Variants in MGAT3 observed in about 807,000 individuals in gnomAD.
The protein encoded by MGAT3 is GlcNAc-T III.
A neutral mutation model predicts 29.8 loss-of-function variants in MGAT3; 9 were observed. The observed-to-expected ratio is 0.30, with a 90% CI of 0.18 to 0.53. The LOEUF (loss-of-function observed/expected upper bound fraction) is 0.53. Among genes scored for constraint, MGAT3 ranks in the 20% least tolerant of loss-of-function variants. MGAT3 has a pLI of 0.96. For missense variants in MGAT3, 557 were observed against 769.5 expected (o/e 0.72, Z 3.27); for synonymous variants, 397 against 348.9 (o/e 1.14, Z -1.54).
intron 1 of MGAT3, among the ~76,000 whole-genome samples, chr22:39,460,067 C>T (rs1928455533): frequency 6.6e-6 from 1 of 152,244 alleles, no homozygotes; most frequent in Non-Finnish European, 1.5e-5. Flanking sequence ...TCTGCAAAGA[C>T]AGCCCCTCTT....
At chr22:39,474,223 G>A (rs1049758815) in intron 1 of MGAT3, among the ~76,000 whole-genome samples, 1 of 152,184 alleles carries the variant, frequency 6.6e-6, no homozygotes, top group African/African-American at 2.4e-5. Context: ...GGGCTTAGGA[G>A]GTTGGCAGGA....
chr22:39,476,005 G>GGACCAGT (rs1475895201), intron 1 of MGAT3: 3 of 152,272 alleles, frequency 2.0e-5, no homozygotes, highest in Non-Finnish European at 2.9e-5. Flanking sequence ...TGTCCTGAAT[G>GGACCAGT]GACCAGTGAC....
intron 1 of MGAT3, among the ~76,000 whole-genome samples, chr22:39,466,017 G>A (rs1928635744): frequency 6.6e-6 from 1 of 152,094 alleles, no homozygotes; most frequent in Admixed American, 6.6e-5. Flanking sequence ...TGTTGATGTT[G>A]GTTCCAGCAA....
chr22:39,484,731 G>T (rs949243384), intron 1 of MGAT3, among the ~76,000 whole-genome samples: 1 of 152,038 alleles, frequency 6.6e-6, no homozygotes, highest in Non-Finnish European at 1.5e-5. Context: ...GGCTGGCCAT[G>T]GTGGTTCATG....
chr22:39,457,772 C>G lies in MGAT3; in HGVS notation c.-2+215C>G, dbSNP rs924493785. ...AGCCGCTCGGCGCGGGCCCCCTCCC[C>G]CTACCCGCCGCTCCTCCGAGCTCCC... On this transcript the variant is annotated intron_variant, in intron 1 of 1. Coordinates refer to ENST00000341184, the MANE Select transcript of MGAT3 (RefSeq NM_002409.5). The surrounding 1 kb of genome is among the most constrained non-coding windows in gnomAD (Gnocchi z 6.8). Among the ~76,000 whole-genome samples, 1 of 150,844 alleles carries G rather than the reference C, an allele frequency of 6.6e-6. No individual in the cohort carries two copies. The highest frequency in any genetic ancestry group is 1.5e-5 in the Non-Finnish European group (1 of 67,392).
At position 39,488,781 on chromosome 22, in the gene MGAT3, C is replaced by A; in HGVS notation, c.1434C>A (p.Ser478Arg). ...AGGAGTACCCGCCTGCAGACCCCAGCGAGCACATGTATGCGCCCAAGTACC... is the reference window on the plus strand; with the variant it reads ...AGGAGTACCCGCCTGCAGACCCCAGAGAGCACATGTATGCGCCCAAGTACC... ...TQQEYPPADP[S>R]EHMYAPKYLL... The change falls in exon 2 of 2, where the codon AGC becomes AGA. Residue 478 changes from serine (S) to arginine (R), a missense_variant. Physicochemically the swap from Ser to Arg is moderately radical, Grantham distance 110. This residue lies in a region of MGAT3 where 102 missense variants were observed against 97.0 expected (regional missense o/e 1.05). Transcript: ENST00000341184. The A allele has an allele frequency of 5.0e-6, 8 of 1,611,592 alleles. No homozygotes were observed. The highest frequency in any genetic ancestry group is 6.8e-6 in the Non-Finnish European group (8 of 1,178,954).
chr22:39,473,395 G>A (rs556951614), intron 1 of MGAT3, among the ~76,000 whole-genome samples: 5 of 152,136 alleles, frequency 3.3e-5, no homozygotes, highest in Non-Finnish European at 7.4e-5. Flanking sequence ...TCAGGAACAC[G>A]ATAACTAACC....
rs368729519 is a variant in MGAT3 at position 39,487,534 on chromosome 22, G to C, written c.187G>C (p.Glu63Gln). The C allele has an allele frequency of 1.1e-5, 17 of 1,612,496 alleles. No homozygotes were observed. Among genetic ancestry groups the C allele is most frequent in the African/African-American group, 2.7e-5 (2 of 74,694 alleles). The part of the protein sequence containing the change: ...NAPVTPQASP[E>Q]PGGPDLLRTP... ...CCCGGTCACGCCCCAGGCCAGCCCCGAGCCAGGAGGCCCTGACCTGCTGCG... is the reference window on the plus strand; with the variant it reads ...CCCGGTCACGCCCCAGGCCAGCCCCCAGCCAGGAGGCCCTGACCTGCTGCG... Residue 63 changes from glutamate (E) to glutamine (Q), a missense_variant, in exon 2 of 2, where the codon GAG (glutamate) becomes CAG (glutamine). Glu to Gln is a conservative substitution (Grantham distance 29). Transcript: ENST00000341184. This position sits in a 1 kb window ranked among gnomAD's most constrained non-coding sequence, Gnocchi z 5.7.
intron 1 of MGAT3, among the ~76,000 whole-genome samples, chr22:39,464,835 C>T (rs1928594282): frequency 1.3e-5 from 2 of 152,040 alleles, no homozygotes; most frequent in Non-Finnish European, 2.9e-5. Flanking sequence ...ACTGTAAGCT[C>T]TGCCTCCCAG....
intron 1 of MGAT3, among the ~76,000 whole-genome samples, chr22:39,475,179 T>C (rs949841913): frequency 1.4e-5 from 2 of 148,142 alleles, no homozygotes; most frequent in African/African-American, 5.0e-5. Flanking sequence ...TCCAACAAAA[T>C]CTTGCGAGGA....
At chr22:39,484,634 A>G (rs1035810499) in intron 1 of MGAT3, among the ~76,000 whole-genome samples, 1 of 151,866 alleles carries the variant, frequency 6.6e-6, no homozygotes, top group Admixed American at 6.6e-5. Flanking sequence ...CAGCTTCCCA[A>G]AGTGCTGGGA....
chr22:39,459,568 A>G (rs1210477767), intron 1 of MGAT3, among the ~76,000 whole-genome samples: 1 of 152,092 alleles, frequency 6.6e-6, no homozygotes, highest in Admixed American at 6.5e-5. Flanking sequence ...GGCTCAAGGG[A>G]TCCTTCTGCC....
intron 1 of MGAT3, among the ~76,000 whole-genome samples, chr22:39,481,064 C>CA (rs1929111622): frequency 6.6e-6 from 1 of 152,206 alleles, no homozygotes. Flanking sequence ...CTGAATCCTC[C>CA]AGTGAAAGCC....
chr22:39,468,295 G>C (rs560388102), intron 1 of MGAT3, among the ~76,000 whole-genome samples: 1 of 152,316 alleles, frequency 6.6e-6, no homozygotes, highest in Non-Finnish European at 1.5e-5. Flanking sequence ...ACCTCCCCAG[G>C]TCCCCACGGT....
At chr22:39,464,685 C>T (rs1473618904) in intron 1 of MGAT3, among the ~76,000 whole-genome samples, 1 of 151,762 alleles carries the variant, frequency 6.6e-6, no homozygotes, top group Non-Finnish European at 1.5e-5. Flanking sequence ...AAGTGATCCA[C>T]CTGCCTCCGC....
chr22:39,471,982 G>T (rs1025974541), intron 1 of MGAT3, among the ~76,000 whole-genome samples: 5 of 152,168 alleles, frequency 3.3e-5, no homozygotes, highest in African/African-American at 4.8e-5. Flanking sequence ...AGAGGGCGAG[G>T]TATTGGAGGG....
At chr22:39,479,084 G>A (rs931597839) in intron 1 of MGAT3, among the ~76,000 whole-genome samples, 46 of 152,316 alleles carry the variant, frequency 3.0e-4, no homozygotes, top group Middle Eastern at 3.4e-3. Context: ...GGTGGCCCAC[G>A]CTTGCAATCC....
At chr22:39,464,452 T>G (rs533381267) in intron 1 of MGAT3, among the ~76,000 whole-genome samples, 2 of 152,198 alleles carry the variant, frequency 1.3e-5, no homozygotes, top group South Asian at 4.1e-4. Context: ...TGTCTTTTTT[T>G]TTTTTGAGAC....
Position 39,489,063 on chromosome 22 carries a change from G to GT in MGAT3, c.*114_*115insT. The GT allele has an allele frequency of 1.3e-6, 1 of 779,756 alleles. No homozygotes were observed. Among genetic ancestry groups the GT allele is most frequent in the Non-Finnish European group, 1.9e-6 (1 of 520,812 alleles). 48.3% of individuals were successfully genotyped at this position (779,756 alleles called of 1,614,324 possible). ...CTTGAGGGGACCAGGAGTGGGTGGG[G>GT]AGTGGGGGTGGGGGTAGGGTTTCCC... On this transcript the variant is annotated 3_prime_UTR_variant, in exon 2 of 2. Coordinates refer to ENST00000341184, the MANE Select transcript of MGAT3 (RefSeq NM_002409.5).
Sources: allele counts gnomAD v4.1 joint callset (sites outside exome capture counted in the v4.1 genomes callset), GRCh38; gene constraint gnomAD v4.1.1; regional missense constraint gnomAD v4.1.1; non-coding constraint Gnocchi (gnomAD v3.1); transcripts MANE v1.5; gene names NCBI Gene and HGNC (gene_info 2026-07-23, HGNC 2026-07-21).